Variants in TDRD12 observed in about 807,000 individuals in gnomAD.
TDRD12 encodes tudor domain containing 12.
TDRD12 carries 158 observed loss-of-function variants against 133.5 expected under a neutral mutation model. That is an observed-to-expected ratio of 1.18 (90% CI 1.04 to 1.35). TDRD12 has a LOEUF of 1.35. Among genes scored for constraint, TDRD12 ranks in the 40% most tolerant of loss-of-function variants. TDRD12 has a pLI of 0.00. For synonymous variants in TDRD12, 460 were observed against 477.9 expected (o/e 0.96, Z 0.49); for missense variants, 1,443 against 1,321.3 (o/e 1.09, Z -1.43).
intron 10 of TDRD12, among the ~76,000 whole-genome samples, chr19:32,774,555 A>T (rs1970527986): frequency 6.6e-6 from 1 of 151,910 alleles, no homozygotes; most frequent in African/African-American, 2.4e-5. Context: ...TTATTTAAAG[A>T]TGTTGTCCCA....
At chr19:32,818,411 A>C (rs1967260569) in intron 27 of TDRD12, among the ~76,000 whole-genome samples, 1 of 152,158 alleles carries the variant, frequency 6.6e-6, no homozygotes, top group Non-Finnish European at 1.5e-5. Flanking sequence ...GGCAGGAGCC[A>C]TGAGGGGGTT....
chr19:32,756,571 G>A (rs1970000996), intron 7 of TDRD12, among the ~76,000 whole-genome samples: 1 of 152,042 alleles, frequency 6.6e-6, no homozygotes, highest in African/African-American at 2.4e-5. Context: ...TGTATTTTTA[G>A]TAGAGACAGG....
In TDRD12 at chr19:32,774,295, G is replaced by T. The variant is rs534879029; in HGVS notation, c.1040+763G>T. ...TAAATAGTCAATTATATTCTAGAGA[G>T]AGTTAACTAACAAAAATATCTTCTC... On this transcript the variant is annotated intron_variant, in intron 10 of 27. Transcript: ENST00000444215. 1.2e-4 allele frequency among the ~76,000 whole-genome samples: 19 copies of T among 152,278 alleles called. No individual in the cohort carries two copies. In the South Asian group the frequency reaches 3.9e-3, roughly 32 times the overall value.
intron 1 of TDRD12, among the ~76,000 whole-genome samples, chr19:32,730,938 CCAGGAGGTGGAGGTTG>C (rs1245044064): frequency 6.6e-6 from 1 of 152,116 alleles, no homozygotes; most frequent in Non-Finnish European, 1.5e-5. Flanking sequence ...TTGCTTGAAC[CCAGGAGGTGGAGGTTG>C]CAGTGAGCTG....
chr19:32,720,941 G>C (rs1020164670), intron 1 of TDRD12, among the ~76,000 whole-genome samples: 10 of 151,348 alleles, frequency 6.6e-5, no homozygotes, highest in Non-Finnish European at 1.5e-4. Flanking sequence ...CGCGGAATTG[G>C]TTGCTCCTCC....
intron 10 of TDRD12, 64 bp downstream of exon 10, chr19:32,773,596 G>T (rs1970498112): frequency 1.4e-6 from 2 of 1,430,820 alleles, no homozygotes; most frequent in African/African-American, 1.4e-5. Context: ...TACTGGGGAG[G>T]CTGAGCTGGG....
At chr19:32,826,496 C>A in exon 9 of TDRD12, 1 of 1,252,772 alleles carries the variant, frequency 8.0e-7, no homozygotes, top group Non-Finnish European at 1.0e-6. Flanking sequence ...TGCGGGGCAA[C>A]ATAAGGAAAG....
chr19:32,762,080 G>A (rs185835466), intron 8 of TDRD12, among the ~76,000 whole-genome samples: 1 of 152,226 alleles, frequency 6.6e-6, no homozygotes, highest in East Asian at 1.9e-4. Flanking sequence ...GTACATTTTG[G>A]ATAACAATCC....
chr19:32,788,737 C>A (rs1281935184), intron 11 of TDRD12, among the ~76,000 whole-genome samples: 1 of 152,142 alleles, frequency 6.6e-6, no homozygotes, highest in East Asian at 1.9e-4. Flanking sequence ...AACGTAGAGG[C>A]CCAGTGAGCC....
At chr19:32,791,860 A>G (rs1159508422) in intron 13 of TDRD12, among the ~76,000 whole-genome samples, 1 of 151,920 alleles carries the variant, frequency 6.6e-6, no homozygotes, top group Non-Finnish European at 1.5e-5. Context: ...AAGAGTCCCC[A>G]GAGCCTCCAG....
At chr19:32,794,849 G>A (rs1971178836) in intron 14 of TDRD12, 36 bp downstream of exon 14, 4 of 688,128 alleles carry the variant, frequency 5.8e-6, no homozygotes, top group South Asian at 3.0e-5. Flanking sequence ...CAACCAAATG[G>A]GTTAAATATT....
chr19:32,812,411 C>T (rs532369726), intron 24 of TDRD12, among the ~76,000 whole-genome samples: 1 of 152,294 alleles, frequency 6.6e-6, no homozygotes, highest in African/African-American at 2.4e-5. Context: ...AAGTTAATTG[C>T]AATTGGTAAA....
At chr19:32,810,052 C>CT in intron 22 of TDRD12, 41 bp from the exon 23 acceptor site, 2 of 1,331,674 alleles carry the variant, frequency 1.5e-6, no homozygotes, top group Non-Finnish European at 2.0e-6. Flanking sequence ...CCGGTTTAGA[C>CT]TAAGTTTGTT....
At chr19:32,804,906 A>C (rs1971500008) in intron 21 of TDRD12, among the ~76,000 whole-genome samples, 1 of 151,732 alleles carries the variant, frequency 6.6e-6, no homozygotes, top group Admixed American at 6.6e-5. Context: ...AAAAAAAAAA[A>C]AGTTGTCTAT....
rs1052835865 is a variant in TDRD12, at chr19:32,821,026, C to T, written c.3384-7C>T. 1.8e-5 allele frequency: 27 copies of T among 1,534,874 alleles called. No individual in the cohort carries two copies. The highest frequency in any genetic ancestry group is 4.9e-5 in the East Asian group (2 of 40,896). ...GCCAGGTGTTAACCCCTGCCTCTCC[C>T]GTCTAGGACGCCTCCAGCAGAAGAT... On this transcript the variant is annotated splice_polypyrimidine_tract_variant and splice_region_variant and intron_variant, in intron 27 of 27. Transcript: ENST00000444215.
intron 12 of TDRD12, 81 bp from the exon 13 acceptor site, chr19:32,790,883 C>T (rs1280086823): frequency 1.6e-5 from 24 of 1,477,154 alleles, no homozygotes; most frequent in African/African-American, 4.3e-5. Context: ...TCTATATTTT[C>T]TTCATTTCTG....
exon 10 of TDRD12, chr19:32,828,259 T>A (rs891817396): frequency 4.6e-5 from 7 of 152,170 alleles, no homozygotes; most frequent in African/African-American, 1.7e-4. Flanking sequence ...CCTGAGCAAA[T>A]GGCACAAAGG....
exon 10 of TDRD12, chr19:32,828,792 T>G (rs1599641623): frequency 6.6e-6 from 1 of 152,112 alleles, no homozygotes; most frequent in Non-Finnish European, 1.5e-5. Flanking sequence ...GGCCTGGCCT[T>G]GTCTCAGGGA....
intron 11 of TDRD12, among the ~76,000 whole-genome samples, chr19:32,789,148 T>A (rs564550388): frequency 1.3e-5 from 2 of 152,282 alleles, no homozygotes; most frequent in Non-Finnish European, 2.9e-5. Context: ...CCAGGGAGCC[T>A]GCCCCTAATT....
Sources: gnomAD v4.1 joint callset for allele counts (sites outside exome capture counted in the v4.1 genomes callset) on GRCh38, gnomAD v4.1.1 for gene constraint, MANE v1.5 for transcripts, NCBI Gene and HGNC (gene_info 2026-07-23, HGNC 2026-07-21) for gene names.